The following LETM1 variants were observed in gnomAD, a reference collection of about 807,000 sequenced individuals.
LETM1 encodes leucine zipper and EF-hand containing transmembrane protein 1.
A neutral mutation model predicts 74.5 loss-of-function variants in LETM1; 50 were observed. That is an observed-to-expected ratio of 0.67 (90% CI 0.53 to 0.85). The LOEUF (loss-of-function observed/expected upper bound fraction) is 0.85. LETM1 is among the 40% of genes least tolerant of loss of function. LETM1 has a pLI of 0.00. For synonymous variants in LETM1, 446 were observed against 407.1 expected (o/e 1.10, Z -1.15); for missense variants, 824 against 967.8 (o/e 0.85, Z 1.97).
intron 8 of LETM1, 140 bp downstream of exon 8, chr4:1,823,504 G>A: frequency 1.0e-6 from 1 of 966,820 alleles, no homozygotes; most frequent in Non-Finnish European, 1.5e-6. Context: ...GTGGCTGGGT[G>A]GGGGCACTCG....
chr4:1,838,361 G>C (rs996330268), intron 3 of LETM1, among the ~76,000 whole-genome samples: 1 of 151,984 alleles, frequency 6.6e-6, no homozygotes, highest in Non-Finnish European at 1.5e-5. Context: ...GCCTCCCAAA[G>C]TTCTGGGATT....
intron 1 of LETM1, among the ~76,000 whole-genome samples, chr4:1,852,228 G>A (rs1049011684): frequency 3.3e-5 from 5 of 152,150 alleles, no homozygotes; most frequent in African/African-American, 7.2e-5. Context: ...TCCCATGACC[G>A]CCTTGGTTTT....
At position 1,842,441 on chromosome 4, in the gene LETM1, C is replaced by T. The variant is rs542242743; in HGVS notation, c.144-644G>A. On this transcript the variant is annotated intron_variant, in intron 2 of 13. Coordinates refer to ENST00000302787, the MANE Select transcript of LETM1 (RefSeq NM_012318.3). ...AAGCCCAGAGCCTCACACCTGCCCCCCCGCCTGGACATCCCTAGCTCATGC... is the reference window on the plus strand; with the variant it reads ...AAGCCCAGAGCCTCACACCTGCCCCTCCGCCTGGACATCCCTAGCTCATGC... Among the ~76,000 whole-genome samples, 190 of 152,370 alleles carry T rather than the reference C, an allele frequency of 1.2e-3. 1 individual carries two copies. The highest frequency in any genetic ancestry group is 1.9e-4 in the Non-Finnish European group (13 of 68,032).
At chr4:1,815,992 G>A (rs1051231716) in intron 12 of LETM1, among the ~76,000 whole-genome samples, 190 bp from the exon 13 acceptor site, 4 of 152,270 alleles carry the variant, frequency 2.6e-5, no homozygotes, top group East Asian at 1.9e-4. Context: ...CAGGGCCAGC[G>A]TGGACACAAA....
intron 6 of LETM1, among the ~76,000 whole-genome samples, chr4:1,830,386 A>G (rs919632799): frequency 2.0e-5 from 3 of 152,200 alleles, no homozygotes; most frequent in Non-Finnish European, 1.5e-5. Flanking sequence ...GGCTGAGTGC[A>G]GTGACACAAT....
intron 12 of LETM1, among the ~76,000 whole-genome samples, chr4:1,816,381 C>G (rs962395815): frequency 6.6e-6 from 1 of 152,200 alleles, no homozygotes; most frequent in African/African-American, 2.4e-5. Flanking sequence ...ACTGCCCGAG[C>G]TGGTGTCATT....
chr4:1,848,344 T>G (rs904046848), intron 2 of LETM1, among the ~76,000 whole-genome samples: 6 of 151,858 alleles, frequency 4.0e-5, no homozygotes, highest in Non-Finnish European at 7.4e-5. Context: ...GTCAGGAGAT[T>G]GAGACCATCC....
intron 1 of LETM1, among the ~76,000 whole-genome samples, chr4:1,855,147 T>C: frequency 6.6e-6 from 1 of 152,216 alleles, no homozygotes; most frequent in East Asian, 1.9e-4. Context: ...ATCGCACCAC[T>C]GCACTAATTA....
In LETM1 at chr4:1,844,299, G is replaced by A. The variant is rs1712807310; in HGVS notation, c.144-2502C>T. 3.9e-5 allele frequency among the ~76,000 whole-genome samples: 6 copies of A among 152,376 alleles called. No homozygotes were observed. The South Asian group carries it at 1.2e-3, about 32-fold the overall frequency. ...ATCAGCTGAGGTTTCCCCACTGAGT[G>A]AGATTCAAGTTTGCTGGGTCTCACA... On this transcript the variant is annotated intron_variant, in intron 2 of 13. Coordinates refer to ENST00000302787, the MANE Select transcript of LETM1 (RefSeq NM_012318.3).
intron 13 of LETM1, 112 bp from the exon 14 acceptor site, chr4:1,814,685 G>C: frequency 1.2e-6 from 1 of 844,858 alleles, no homozygotes; most frequent in East Asian, 2.6e-5. Flanking sequence ...CAGCATGCAC[G>C]CAATCACTGC....
At chr4:1,835,112 C>G (rs775401257) in intron 4 of LETM1, 130 bp from the exon 5 acceptor site, 262 of 838,002 alleles carry the variant, frequency 3.1e-4, no homozygotes, top group Non-Finnish European at 4.6e-4. Flanking sequence ...CATCTAAGTG[C>G]AATACATTCT....
intron 3 of LETM1, among the ~76,000 whole-genome samples, chr4:1,840,750 A>G (rs1015820578): frequency 6.6e-6 from 1 of 151,848 alleles, no homozygotes; most frequent in Non-Finnish European, 1.5e-5. Flanking sequence ...CCTAACTTGA[A>G]GCCAGTCTGT....
intron 8 of LETM1, 140 bp from the exon 9 acceptor site, chr4:1,823,271 G>C: frequency 8.4e-7 from 1 of 1,185,624 alleles, no homozygotes; most frequent in South Asian, 1.5e-5. Flanking sequence ...GCACTGCCGA[G>C]GTGCTGCCCG....
In LETM1 at chr4:1,849,189, G is replaced by A. The variant is rs768194638; in HGVS notation, c.103C>T (p.His35Tyr). The change falls in exon 2 of 14, where the codon CAT becomes TAT. Residue 35 changes from histidine (H) to tyrosine (Y), a missense_variant. Around this residue, in one of 4 missense-constraint regions of LETM1, gnomAD observed 222 missense variants for 195.6 expected, o/e 1.14. Coordinates refer to ENST00000302787, the MANE Select transcript of LETM1 (RefSeq NM_012318.3). ...VPRGSPGDPA[H>Y]LSCASTLGLR... The stretch of plus-strand genomic sequence containing the variant: ...CCCAGGGTGCTGGCACAGCTGAGAT[G>A]AGCAGGATCCCCTGGACTACCTGTA... The A allele has an allele frequency of 3.1e-6, 5 of 1,612,976 alleles. No individual in the cohort carries two copies. The highest frequency in any genetic ancestry group is 1.3e-5 in the African/African-American group (1 of 74,908).
chr4:1,854,494 A>C (rs1174604248), intron 1 of LETM1, among the ~76,000 whole-genome samples: 1 of 144,976 alleles, frequency 6.9e-6, no homozygotes, highest in African/African-American at 2.6e-5. Context: ...AAAAAAAAAA[A>C]AAATTACAAG....
rs577009629 is a variant in LETM1 at position 1,833,182 on chromosome 4, C to T, written c.877-235G>A. 4 of 524,806 alleles carry T rather than the reference C, an allele frequency of 7.6e-6. No individual in the cohort carries two copies. The East Asian group carries it at 1.4e-4, about 18-fold the overall frequency. The allele number at this position is 524,806 out of a possible 1,614,324, so 32.5% of individuals were successfully genotyped here. On this transcript the variant is annotated intron_variant, in intron 5 of 13. Coordinates refer to ENST00000302787, the MANE Select transcript of LETM1 (RefSeq NM_012318.3). ...CACCTCCTGGGTTCAAGGGATTCTC[C>T]TGCCTTAGCCTCCCGAGTAGCTGGG...
chr4:1,831,582 C>T (rs2108845428), intron 6 of LETM1, among the ~76,000 whole-genome samples: 1 of 152,366 alleles, frequency 6.6e-6, no homozygotes, highest in East Asian at 1.9e-4. Flanking sequence ...AAGCTCAAGC[C>T]CCCCACCTGG....
At chr4:1,818,858 G>A (rs1436666506) in intron 11 of LETM1, among the ~76,000 whole-genome samples, 1 of 151,804 alleles carries the variant, frequency 6.6e-6, no homozygotes, top group Non-Finnish European at 1.5e-5. Flanking sequence ...GAGGCAGGTC[G>A]GTCACCTGGG....
At chr4:1,850,574 C>A (rs1163923981) in intron 1 of LETM1, among the ~76,000 whole-genome samples, 2 of 143,794 alleles carry the variant, frequency 1.4e-5, no homozygotes, top group South Asian at 2.2e-4. Flanking sequence ...ACCCGGGAGG[C>A]GGAGCTTGCA....
Sources: allele counts gnomAD v4.1 joint callset (sites outside exome capture counted in the v4.1 genomes callset), GRCh38; gene constraint gnomAD v4.1.1; regional missense constraint gnomAD v4.1.1; transcripts MANE v1.5; gene names NCBI Gene and HGNC (gene_info 2026-07-23, HGNC 2026-07-21).